TLN2: variants seen among roughly 807,000 people sequenced by gnomAD.
TLN2 encodes talin 2.
In TLN2, 118 loss-of-function variants were observed where a neutral mutation model predicts 294.7. That is an observed-to-expected ratio of 0.40 (90% confidence interval 0.34 to 0.47). The LOEUF (loss-of-function observed/expected upper bound fraction) is 0.47. Ranked by LOEUF, TLN2 falls within the 20% of genes least tolerant of loss-of-function variation. The pLI, the probability that TLN2 is intolerant of heterozygous loss-of-function variation, is 0.84. For synonymous variants in TLN2, 1,431 were observed against 1,304.5 expected (o/e 1.10, Z -2.09); for missense variants, 3,083 against 3,282.2 (o/e 0.94, Z 1.48).
chr15:62,825,534 C>G (rs775374261), intron 54 of TLN2, among the ~76,000 whole-genome samples: 1 of 149,864 alleles, frequency 6.7e-6, no homozygotes, highest in African/African-American at 2.5e-5. Context: ...TGGTTCCAGA[C>G]CAGGAGCATA....
chr15:62,736,958 C>A lies in TLN2; in HGVS notation c.3439C>A (p.Pro1147Thr), dbSNP rs777570072. The change falls in exon 29 of 59, where the codon CCC becomes ACC. Residue 1147 changes from proline (P) to threonine (T), a missense_variant. Pro to Thr is a conservative substitution (Grantham distance 38, BLOSUM62 -1). Coordinates refer to ENST00000636159, the MANE Select transcript of TLN2 (RefSeq NM_015059.3). ...ARGVAASTTD[P>T]AAAHAMLDSA... is the part of the protein sequence containing the mutation. ...TGGAGTGGCTGCATCGACAACCGACCCCGCGGCCGCCCATGCCATGTTAGA... is the reference window on the plus strand; with the variant it reads ...TGGAGTGGCTGCATCGACAACCGACACCGCGGCCGCCCATGCCATGTTAGA... 32 of 1,614,074 alleles carry A rather than the reference C, an allele frequency of 2.0e-5. No homozygotes were observed. Among genetic ancestry groups the A allele is most frequent in the Non-Finnish European group, 2.5e-5 (30 of 1,180,048 alleles).
At chr15:62,660,630 G>GA (rs547213161) in intron 9 of TLN2, among the ~76,000 whole-genome samples, 96 of 152,316 alleles carry the variant, frequency 6.3e-4, no homozygotes, top group Middle Eastern at 6.8e-3. Flanking sequence ...TCTGTGTTGA[G>GA]AAAATGCTTG....
Position 62,763,566 on chromosome 15 carries a change from C to G in TLN2, c.4965C>G (p.Asp1655Glu). 6.2e-7 allele frequency: 1 copy of G among 1,607,302 alleles called. No individual in the cohort carries two copies. The highest frequency in any genetic ancestry group is 8.5e-7 in the Non-Finnish European group (1 of 1,175,148). ...SIKSLITSIR[D>E]KAPGQRECDY... ...CAACTTGCACTATTCCTTCCAGGGA[C>G]AAGGCCCCTGGACAGAGGGAGTGTG... The change falls in exon 40 of 59, where the codon GAC (aspartate) becomes GAG (glutamate). Residue 1655 changes from aspartate (D) to glutamate (E), a missense_variant. Coordinates refer to ENST00000636159, the MANE Select transcript of TLN2 (RefSeq NM_015059.3).
At chr15:62,633,104 A>G (rs759022274) in intron 3 of TLN2, among the ~76,000 whole-genome samples, 1 of 152,216 alleles carries the variant, frequency 6.6e-6, no homozygotes, top group Non-Finnish European at 1.5e-5. Flanking sequence ...GATATTTTTC[A>G]CAGTGCCATG....
intron 3 of TLN2, among the ~76,000 whole-genome samples, chr15:62,626,448 C>T (rs1371746326): frequency 6.6e-6 from 1 of 152,220 alleles, no homozygotes; most frequent in Admixed American, 6.5e-5. Flanking sequence ...GGCCAAAGCA[C>T]TACTGACTTG....
At chr15:62,825,836 A>AATATATATTATAATAT (rs2068107392) in intron 54 of TLN2, among the ~76,000 whole-genome samples, 1 of 77,064 alleles carries the variant, frequency 1.3e-5, no homozygotes, top group Non-Finnish European at 2.1e-5. Flanking sequence ...TATAATATAT[A>AATATATATTATAATAT]ATATATATAA....
rs1166046640 is a variant in TLN2 at position 62,491,351 on chromosome 15, TACACAC to T, written c.-237-98296_-237-98291del. 4.9e-3 allele frequency among the ~76,000 whole-genome samples: 496 copies of T among 100,256 alleles called. 3 individuals are homozygous for T. Among genetic ancestry groups the T allele is most frequent in the South Asian group, 0.023 (60 of 2,570 alleles). 65.8% of individuals were successfully genotyped at this position (100,256 alleles called of 152,430 possible). On this transcript the variant is annotated intron_variant, in intron 1 of 58. Transcript: ENST00000636159. ...CAAAAAAAAAAAATATATATATATA[TACACAC>T]ACACACACACACACACACACACACA...
chr15:62,576,595 ATT>A (rs3055751), intron 1 of TLN2, among the ~76,000 whole-genome samples: 3,046 of 102,970 alleles, frequency 0.03, 30 homozygotes, highest in Middle Eastern at 0.059. Context: ...ATTGCTCTGT[ATT>A]TTTTTTTTTT....
chr15:62,539,119 C>T (rs1330017602), intron 1 of TLN2, among the ~76,000 whole-genome samples: 2 of 152,176 alleles, frequency 1.3e-5, no homozygotes, highest in African/African-American at 4.8e-5. Context: ...ACTTTCTCTC[C>T]CTGCTCTTCC....
intron 1 of TLN2, among the ~76,000 whole-genome samples, chr15:62,531,033 C>T (rs1324091561): frequency 1.3e-5 from 2 of 152,010 alleles, no homozygotes; most frequent in African/African-American, 4.8e-5. Flanking sequence ...TATGTATTGC[C>T]ATTCAGATTT....
rs768789316 is a variant in TLN2 at position 62,748,336 on chromosome 15, C to A, written c.4026-15C>A. 5.1e-5 allele frequency: 79 copies of A among 1,538,754 alleles called. No homozygotes were observed. The highest frequency in any genetic ancestry group is 6.2e-5 in the Non-Finnish European group (70 of 1,130,442). Reference sequence around the variant, plus strand: ...GATCTTCAAAAAAAAAAAAAAAATTCTGTTTCTGTCACAGAGCTGTGACAG... The same window carrying A: ...GATCTTCAAAAAAAAAAAAAAAATTATGTTTCTGTCACAGAGCTGTGACAG... On this transcript the variant is annotated splice_polypyrimidine_tract_variant and intron_variant, in intron 32 of 58. Transcript: ENST00000636159.
At chr15:62,572,318 G>A (rs1017888088) in intron 1 of TLN2, among the ~76,000 whole-genome samples, 3 of 151,970 alleles carry the variant, frequency 2.0e-5, no homozygotes, top group Non-Finnish European at 4.4e-5. Context: ...ATGGCTCACT[G>A]TAACCTCGAC....
At chr15:62,637,429 C>CT (rs1400231767) in intron 3 of TLN2, 2 of 151,978 alleles carry the variant, frequency 1.3e-5, no homozygotes, top group African/African-American at 4.8e-5. Context: ...ATTCAGCTGT[C>CT]TTGGCAACCA....
At chr15:62,657,010 A>G (rs1382685202) in intron 8 of TLN2, among the ~76,000 whole-genome samples, 1 of 152,128 alleles carries the variant, frequency 6.6e-6, no homozygotes, top group Middle Eastern at 3.2e-3. Flanking sequence ...GAGGGCTGAG[A>G]GGAAAGAAGT....
intron 27 of TLN2, 117 bp downstream of exon 27, chr15:62,725,221 G>T (rs1372536850): frequency 1.4e-6 from 2 of 1,408,322 alleles, no homozygotes; most frequent in East Asian, 2.5e-5. Context: ...CTAATCCTGT[G>T]GTCTTTTTCT....
chr15:62,608,137 T>C (rs2047612050), intron 2 of TLN2, among the ~76,000 whole-genome samples: 5 of 151,608 alleles, frequency 3.3e-5, no homozygotes, highest in Admixed American at 3.3e-4. Flanking sequence ...CTAATTGACA[T>C]TCATTTATTC....
chr15:62,531,912 CTGTT>C (rs2041061357), intron 1 of TLN2, among the ~76,000 whole-genome samples: 1 of 152,298 alleles, frequency 6.6e-6, no homozygotes, highest in Admixed American at 6.5e-5. Flanking sequence ...CTGAAGCCGT[CTGTT>C]TGGGAATCAT....
At chr15:62,809,321 T>C (rs1278722394) in intron 51 of TLN2, among the ~76,000 whole-genome samples, 2 of 152,190 alleles carry the variant, frequency 1.3e-5, no homozygotes, top group Non-Finnish European at 2.9e-5. Flanking sequence ...GTGTTAAGCA[T>C]GTGTGCTGGT....
At chr15:62,498,942 G>C (rs1027419115) in intron 1 of TLN2, among the ~76,000 whole-genome samples, 5 of 152,210 alleles carry the variant, frequency 3.3e-5, no homozygotes, top group African/African-American at 1.2e-4. Flanking sequence ...TTAGTGGAAT[G>C]TGGAGAGTTT....
Sources: gnomAD v4.1 joint callset for allele counts (sites outside exome capture counted in the v4.1 genomes callset) on GRCh38, gnomAD v4.1.1 for gene constraint, MANE v1.5 for transcripts, NCBI Gene and HGNC (gene_info 2026-07-23, HGNC 2026-07-21) for gene names.